The following POU2F3 variants were observed in gnomAD, a reference collection of about 807,000 sequenced individuals.
POU2F3 encodes the protein POU domain, class 2, transcription factor 3.
Under a neutral mutation model 59.2 loss-of-function variants are expected in POU2F3, and 23 were observed. That is an observed-to-expected ratio of 0.39 (90% CI 0.28 to 0.55). The LOEUF (loss-of-function observed/expected upper bound fraction) is 0.55, where lower values mean the gene tolerates loss of function less well. Ranked by LOEUF, POU2F3 falls within the 20% of genes least tolerant of loss-of-function variation. POU2F3 has a pLI of 0.66. For missense variants in POU2F3, 473 were observed against 544.5 expected, an observed-to-expected ratio of 0.87 and a Z score of 1.31; for synonymous variants, 190 against 214.6, an observed-to-expected ratio of 0.89 and a Z score of 1.00.
At chr11:120,249,037 G>A (rs976282123) in intron 2 of POU2F3, among the ~76,000 whole-genome samples, 6 of 152,182 alleles carry the variant, frequency 3.9e-5, no homozygotes, top group Admixed American at 6.5e-5. Flanking sequence ...GTAAGAACTG[G>A]GAAAGGGAGG....
upstream of POU2F3, among the ~76,000 whole-genome samples, chr11:120,238,827 TAAAAAAAAAAAAAAA>T (rs56948018): frequency 1.7e-4 from 8 of 48,362 alleles, no homozygotes; most frequent in South Asian, 5.7e-3. Flanking sequence ...AGACTCTGTC[TAAAAAAAAAAAAAAA>T]AAAAAAAAAA....
chr11:120,307,214 T>C (rs1941518196), intron 8 of POU2F3, among the ~76,000 whole-genome samples: 1 of 151,960 alleles, frequency 6.6e-6, no homozygotes, highest in Non-Finnish European at 1.5e-5. Flanking sequence ...GACACTGCTG[T>C]GGGGGCCACA....
In POU2F3 at chr11:120,302,390, G is replaced by A. The variant is rs184779161; in HGVS notation, c.444+22G>A. 2.0e-5 allele frequency: 31 copies of A among 1,560,290 alleles called. No homozygotes were observed. In the East Asian group the frequency reaches 6.3e-4, roughly 32 times the overall value. On this transcript the variant is annotated intron_variant, in intron 6 of 12. Coordinates refer to ENST00000543440, the MANE Select transcript of POU2F3 (RefSeq NM_014352.4). ...CCAGGTAAACAACCCCATTCTTCCT[G>A]TTTCCTCTAGGAATGTCTCAGCTCT... is the stretch of plus-strand genomic sequence containing the variant.
chr11:120,308,915 G>C (rs1346310000), intron 9 of POU2F3, among the ~76,000 whole-genome samples: 1 of 109,674 alleles, frequency 9.1e-6, no homozygotes, highest in Non-Finnish European at 1.7e-5. Context: ...CTCCAGCCTA[G>C]GCAACAGAGC....
intron 2 of POU2F3, among the ~76,000 whole-genome samples, chr11:120,267,957 A>G (rs954889965): frequency 6.6e-6 from 1 of 152,036 alleles, no homozygotes; most frequent in Non-Finnish European, 1.5e-5. Context: ...AGTCCTGGAG[A>G]GCTATGTGAA....
chr11:120,293,872 A>G (rs1413104342), intron 3 of POU2F3, among the ~76,000 whole-genome samples: 1 of 151,994 alleles, frequency 6.6e-6, no homozygotes, highest in African/African-American at 2.4e-5. Context: ...TACCCTTGGG[A>G]TGTGTGTAAT....
chr11:120,307,699 G>GC, intron 9 of POU2F3, 84 bp downstream of exon 9: 1 of 1,544,072 alleles, frequency 6.5e-7, no homozygotes, highest in Non-Finnish European at 8.8e-7. Flanking sequence ...CTTGGCACCA[G>GC]CCCCTCCGCA....
chr11:120,252,731 C>T (rs1038252359), intron 2 of POU2F3, among the ~76,000 whole-genome samples: 9 of 152,200 alleles, frequency 5.9e-5, no homozygotes, highest in Non-Finnish European at 1.0e-4. Context: ...CGTACCATGA[C>T]TTACAACTAC....
intron 1 of POU2F3, among the ~76,000 whole-genome samples, chr11:120,241,639 C>A (rs552754883): frequency 1.3e-3 from 193 of 152,322 alleles, no homozygotes; most frequent in African/African-American, 4.4e-3. Context: ...CGGGTAGGTG[C>A]TCTCCCCTTC....
chr11:120,315,865 CTTTTT>C (rs34115412), intron 11 of POU2F3, among the ~76,000 whole-genome samples: 4 of 73,046 alleles, frequency 5.5e-5, no homozygotes, highest in African/African-American at 5.9e-5. Flanking sequence ...CTTCCTTCCA[CTTTTT>C]TTTTTTTTTT....
In POU2F3 at chr11:120,294,593, A is replaced by T. The variant is rs11217800; in HGVS notation, c.133-3672A>T. Among the ~76,000 whole-genome samples, 5,084 of 152,354 alleles carry T rather than the reference A, an allele frequency of 0.033. 1,272 individuals are homozygous for T. The East Asian group carries it at 0.66, about 20-fold the overall frequency. ...ACAACCAACACCCAGTTGCCTGGAA[A>T]GCTTCCAACCTTTTCCCCTTAACAG... On this transcript the variant is annotated intron_variant, in intron 3 of 12. Transcript: ENST00000543440.
chr11:120,301,016 G>A (rs966391842), intron 5 of POU2F3: 2 of 455,764 alleles, frequency 4.4e-6, no homozygotes, highest in Admixed American at 2.4e-5. Flanking sequence ...ATGGAAAAGG[G>A]AAGGTAACAG....
chr11:120,289,464 A>G (rs1034277765), intron 3 of POU2F3, among the ~76,000 whole-genome samples: 9 of 152,088 alleles, frequency 5.9e-5, no homozygotes, highest in African/African-American at 9.7e-5. Context: ...TCTCACTGCA[A>G]TCGCTCCCCT....
At chr11:120,302,011 C>T (rs1941361327) in intron 5 of POU2F3, 1 of 397,382 alleles carries the variant, frequency 2.5e-6, no homozygotes, top group Non-Finnish European at 4.5e-6. Context: ...TCCTTAGCCT[C>T]TACGCCTCTC....
At chr11:120,279,107 A>G (rs537709684) in intron 3 of POU2F3, among the ~76,000 whole-genome samples, 11 of 152,112 alleles carry the variant, frequency 7.2e-5, no homozygotes, top group Admixed American at 6.5e-4. Context: ...GAGGTTAGGG[A>G]ATTTTCCCAT....
intron 3 of POU2F3, among the ~76,000 whole-genome samples, chr11:120,283,924 G>C (rs1007449448): frequency 1.4e-5 from 2 of 141,454 alleles, no homozygotes; most frequent in African/African-American, 5.2e-5. Flanking sequence ...TTCAGTAAGT[G>C]TGTTCTAAAT....
chr11:120,291,925 C>T (rs1941037258), intron 3 of POU2F3, among the ~76,000 whole-genome samples: 1 of 151,978 alleles, frequency 6.6e-6, no homozygotes, highest in Non-Finnish European at 1.5e-5. Flanking sequence ...TCTTCTGCCT[C>T]AGCCCCCTGA....
intron 3 of POU2F3, among the ~76,000 whole-genome samples, chr11:120,273,835 G>A (rs1424471859): frequency 1.3e-5 from 2 of 152,096 alleles, no homozygotes; most frequent in East Asian, 1.9e-4. Context: ...GGTCAGCATG[G>A]CGAAACACCA....
intron 3 of POU2F3, among the ~76,000 whole-genome samples, chr11:120,294,436 A>G (rs1266666023): frequency 6.6e-6 from 1 of 152,232 alleles, no homozygotes; most frequent in Non-Finnish European, 1.5e-5. Context: ...TCTTGATTCC[A>G]GGCAGGCTGT....
Sources: gnomAD v4.1 joint callset for allele counts (sites outside exome capture counted in the v4.1 genomes callset) on GRCh38, gnomAD v4.1.1 for gene constraint, MANE v1.5 for transcripts, NCBI Gene and HGNC (gene_info 2026-07-23, HGNC 2026-07-21) for gene names.